Variants in FER1L6 observed in about 807,000 individuals in gnomAD.
FER1L6 encodes the protein fer-1-like protein 6.
FER1L6 carries 177 observed loss-of-function variants against 219.2 expected under a neutral mutation model. The ratio of observed to expected loss-of-function variants is 0.81; its 90% confidence interval spans 0.71 to 0.91. The LOEUF (loss-of-function observed/expected upper bound fraction) is 0.91, where lower values mean the gene tolerates loss of function less well. Ranked by LOEUF, FER1L6 falls within the 40% of genes least tolerant of loss-of-function variation. The probability of loss-of-function intolerance (pLI) is 0.00; values close to 1 mark genes in which losing one functional copy is unlikely to be tolerated. For synonymous variants in FER1L6, 768 were observed against 824.3 expected (o/e 0.93, Z 1.17); for missense variants, 2,153 against 2,259.9 (o/e 0.95, Z 0.96).
At position 124,097,304 on chromosome 8, in the gene FER1L6, A is replaced by C. The variant is rs753688963; in HGVS notation, c.4729A>C (p.Lys1577Gln). The change falls in exon 36 of 41, where the codon AAG becomes CAG. Residue 1577 changes from lysine to glutamine, a missense_variant. Transcript: ENST00000522917. The stretch of plus-strand genomic sequence containing the variant: ...GCAGATGTGGGTGGACATGTTTCCC[A>C]AGGATATGCCTCAACCTGGACCTCC... ...RLQMWVDMFP[K>Q]DMPQPGPPVD... is the part of the protein sequence containing the mutation. 8.1e-6 allele frequency: 13 copies of C among 1,613,498 alleles called. No homozygotes were observed. In the East Asian group the frequency reaches 2.7e-4, roughly 33 times the overall value.
rs1175494266 is a variant in FER1L6, at chr8:124,060,209, AC to A, written c.2907del (p.Val970LeufsTer20). On this transcript the variant is annotated frameshift_variant, in exon 23 of 41. Transcript: ENST00000522917. LOFTEE classifies it high-confidence loss of function. ...VPPSGLQGLP[P>X]VEPPDITQIY... ...CTCCTTCTGGGCTGCAAGGCCTCCC[AC>A]CCGTTGAGCCACCAGACATCACCCA... 1.2e-6 allele frequency: 2 copies of A among 1,613,708 alleles called. No individual in the cohort carries two copies. The highest frequency in any genetic ancestry group is 4.5e-5 in the East Asian group (2 of 44,828).
At chr8:124,007,870 A>G (rs1817737544) in intron 13 of FER1L6, among the ~76,000 whole-genome samples, 1 of 151,650 alleles carries the variant, frequency 6.6e-6, no homozygotes, top group Non-Finnish European at 1.5e-5. Context: ...CCTCATTGAT[A>G]GTATGATTAT....
chr8:124,077,805 T>G (rs946898045), intron 32 of FER1L6, among the ~76,000 whole-genome samples: 2 of 152,206 alleles, frequency 1.3e-5, no homozygotes, highest in African/African-American at 4.8e-5. Flanking sequence ...TTTAGTTGGA[T>G]ATGTGTTTAA....
chr8:123,942,373 C>G (rs1442849227), intron 1 of FER1L6, among the ~76,000 whole-genome samples: 1 of 152,218 alleles, frequency 6.6e-6, no homozygotes, highest in Non-Finnish European at 1.5e-5. Context: ...CCCAGCATTT[C>G]CTTTTCCATG....
intron 20 of FER1L6, among the ~76,000 whole-genome samples, 164 bp from the exon 21 acceptor site, chr8:124,045,603 A>G (rs1819690546): frequency 6.6e-6 from 1 of 152,188 alleles, no homozygotes; most frequent in South Asian, 2.1e-4. Context: ...ATTGTTTAGT[A>G]CATAGTAGCT....
intron 1 of FER1L6, among the ~76,000 whole-genome samples, chr8:123,882,843 C>A (rs1817134087): frequency 6.6e-6 from 1 of 152,106 alleles, no homozygotes; most frequent in Non-Finnish European, 1.5e-5. Flanking sequence ...ATAGAATGTA[C>A]AACACCAAGA....
intron 24 of FER1L6, 55 bp downstream of exon 24, chr8:124,060,764 G>A: frequency 1.3e-6 from 2 of 1,573,552 alleles, no homozygotes; most frequent in Non-Finnish European, 1.7e-6. Flanking sequence ...GCACAGATGA[G>A]ATGTTTTAGG....
rs976913887 is a variant in FER1L6 at position 124,035,526 on chromosome 8, C to A, written c.2464+72C>A. 9 of 1,462,966 alleles carry A rather than the reference C, an allele frequency of 6.2e-6. No individual in the cohort carries two copies. In the African/African-American group the frequency reaches 8.5e-5, roughly 14 times the overall value. 90.6% of individuals were successfully genotyped at this position (1,462,966 alleles called of 1,614,324 possible). On this transcript the variant is annotated intron_variant, in intron 19 of 40. Coordinates refer to ENST00000522917, the MANE Select transcript of FER1L6 (RefSeq NM_001039112.2). Reference sequence around the variant, plus strand: ...GCTTCTGAAAAGATAATAAGGAGGGCAGCATGCATGAGTTTTTTGCACATT... The same window carrying A: ...GCTTCTGAAAAGATAATAAGGAGGGAAGCATGCATGAGTTTTTTGCACATT...
intron 1 of FER1L6, among the ~76,000 whole-genome samples, chr8:123,918,392 C>T (rs570002974): frequency 4.6e-5 from 7 of 152,194 alleles, no homozygotes; most frequent in South Asian, 4.2e-4. Flanking sequence ...TAATTAGTCC[C>T]CAGTTGATAA....
At chr8:124,109,854 T>C (rs1323726529) in intron 39 of FER1L6, among the ~76,000 whole-genome samples, 3 of 152,200 alleles carry the variant, frequency 2.0e-5, no homozygotes, top group Non-Finnish European at 4.4e-5. Context: ...CTGCTCTGAC[T>C]GTGGTAGTAA....
At position 123,956,037 on chromosome 8, in the gene FER1L6, A is replaced by C. The variant is rs758522901; in HGVS notation, c.39A>C (p.Ala13=). 5.6e-6 allele frequency: 9 copies of C among 1,612,248 alleles called. No individual in the cohort carries two copies. In the African/African-American group the frequency reaches 1.2e-4, roughly 22 times the overall value. Residue 13 remains alanine, a synonymous_variant, in exon 2 of 41, where the codon GCA becomes GCC. Coordinates refer to ENST00000522917, the MANE Select transcript of FER1L6 (RefSeq NM_001039112.2). ...AGGTGAAGAAGAAGAGAAATAAGGCAGAGAAGGGGTTAATCCTAGCCAACA... is the reference window on the plus strand; with the variant it reads ...AGGTGAAGAAGAAGAGAAATAAGGCCGAGAAGGGGTTAATCCTAGCCAACA... ...GLKVKKKRNK[A]EKGLILANKA...
chr8:123,905,083 A>G (rs927516099), intron 1 of FER1L6, among the ~76,000 whole-genome samples: 3 of 152,136 alleles, frequency 2.0e-5, no homozygotes, highest in African/African-American at 7.2e-5. Context: ...AATCCCACTT[A>G]AATTTTTTTT....
Position 123,982,083 on chromosome 8 carries a change from G to A in FER1L6, c.1410+1272G>A, listed in dbSNP as rs148769130. ...GGAAATATTATCTGAAAACGTGTGC[G>A]CCAGTTTCTTGTGGTTAGAACTTAT... On this transcript the variant is annotated intron_variant, in intron 11 of 40. Coordinates refer to ENST00000522917, the MANE Select transcript of FER1L6 (RefSeq NM_001039112.2). Among the ~76,000 whole-genome samples, 30 of 152,214 alleles carry A rather than the reference G, an allele frequency of 2.0e-4. No homozygotes were observed. The East Asian group carries it at 3.3e-3, about 17-fold the overall frequency.
At chr8:123,902,677 C>T (rs1162277557) in intron 1 of FER1L6, among the ~76,000 whole-genome samples, 1 of 152,052 alleles carries the variant, frequency 6.6e-6, no homozygotes, top group Non-Finnish European at 1.5e-5. Flanking sequence ...TATGTGAGTC[C>T]TTATGTGTTA....
At chr8:123,986,318 C>G in intron 12 of FER1L6, 142 bp downstream of exon 12, 1 of 579,832 alleles carries the variant, frequency 1.7e-6, no homozygotes, top group South Asian at 2.5e-5. Flanking sequence ...AATTCCTTGT[C>G]TACTCTATTG....
intron 1 of FER1L6, among the ~76,000 whole-genome samples, chr8:123,884,857 A>G (rs7817233): frequency 0.59 from 89,588 of 151,970 alleles, 26,568 homozygotes; most frequent in South Asian, 0.75. Flanking sequence ...TGGGCAGTGC[A>G]GTGGGTGGAA....
intron 33 of FER1L6, 126 bp downstream of exon 33, chr8:124,082,584 A>C: frequency 3.8e-6 from 3 of 792,900 alleles, no homozygotes; most frequent in African/African-American, 1.7e-5. Context: ...TAACGTCTCA[A>C]ATGGGCTCCA....
chr8:124,101,462 G>T, intron 38 of FER1L6, 124 bp downstream of exon 38: 1 of 837,884 alleles, frequency 1.2e-6, no homozygotes, highest in Non-Finnish European at 1.8e-6. Flanking sequence ...GCAAAAACCT[G>T]GAAACATCCC....
chr8:123,899,267 A>C (rs1182388990), intron 1 of FER1L6, among the ~76,000 whole-genome samples: 1 of 151,756 alleles, frequency 6.6e-6, no homozygotes, highest in African/African-American at 2.4e-5. Flanking sequence ...TGATTTCAGC[A>C]TTTTTTCATG....
Sources: allele counts gnomAD v4.1 joint callset (sites outside exome capture counted in the v4.1 genomes callset), GRCh38; gene constraint gnomAD v4.1.1; transcripts MANE v1.5; gene names NCBI Gene and HGNC (gene_info 2026-07-23, HGNC 2026-07-21).